The following TENM1 variants were observed in gnomAD, a reference collection of about 807,000 sequenced individuals.
The protein encoded by TENM1 is teneurin transmembrane protein 1, also known as teneurin-1.
Under a neutral mutation model 174.8 loss-of-function variants are expected in TENM1, and 35 were observed. That is an observed-to-expected ratio of 0.20 (90% CI 0.15 to 0.27). The LOEUF (loss-of-function observed/expected upper bound fraction) is 0.27. Among genes scored for constraint, TENM1 ranks in the 10% least tolerant of loss-of-function variants. The pLI is 1.00. For synonymous variants in TENM1, 781 were observed against 798.7 expected (o/e 0.98, Z 0.37); for missense variants, 1,633 against 2,130.1 (o/e 0.77, Z 4.59).
rs1053202120 is a variant in TENM1 at position 124,852,159 on chromosome X, G to T, written c.535+42137C>A. 7.2e-5 allele frequency among the ~76,000 whole-genome samples: 8 copies of T among 111,301 alleles called. No homozygotes were observed. In the South Asian group the frequency reaches 3.0e-3, roughly 41 times the overall value. ...CTGTAGAGTTTTAAGATGTTGGAAA[G>T]GTAGGTTGAAGCTAGGCTTTATGGA... On this transcript the variant is annotated intron_variant, in intron 3 of 31. Coordinates refer to ENST00000422452, the Ensembl canonical transcript of TENM1.
chrX:125,132,240 C>T, the TENM1 span, among the ~76,000 whole-genome samples: 45 of 111,407 alleles, frequency 4.0e-4, no homozygotes, highest in African/African-American at 1.4e-3. Flanking sequence ...CTATTCTCCA[C>T]AATCTAGTAA....
At chrX:124,993,529 T>C in the TENM1 span, among the ~76,000 whole-genome samples, 6 of 110,332 alleles carry the variant, frequency 5.4e-5, no homozygotes, top group East Asian at 1.7e-3. Flanking sequence ...AGAAGTACAT[T>C]ATAAGATGCT....
exon 25 of TENM1, chrX:124,420,328 T>A (rs768280645): frequency 4.2e-6 from 5 of 1,201,254 alleles, no homozygotes; most frequent in Non-Finnish European, 5.6e-6. Context: ...CGGTTGTCCA[T>A]CCATTTTCGT....
intron 22 of TENM1, among the ~76,000 whole-genome samples, chrX:124,471,968 G>C (rs1278921406): frequency 9.3e-6 from 1 of 107,152 alleles, no homozygotes; most frequent in Non-Finnish European, 1.9e-5. Context: ...GGTATAGAGA[G>C]TAAGGGGAAG....
chrX:124,508,692 T>C (rs1169750483), intron 18 of TENM1, among the ~76,000 whole-genome samples: 4 of 111,789 alleles, frequency 3.6e-5, no homozygotes, highest in Admixed American at 9.5e-5. Flanking sequence ...CCTGATATTA[T>C]GAGATTTTTT....
the TENM1 span, among the ~76,000 whole-genome samples, chrX:125,059,908 T>C: frequency 6.4e-5 from 7 of 110,150 alleles, no homozygotes; most frequent in Admixed American, 1.9e-4. Flanking sequence ...TTAGATATGA[T>C]TAACATTTAA....
chrX:125,003,554 G>T, the TENM1 span, among the ~76,000 whole-genome samples: 2 of 111,450 alleles, frequency 1.8e-5, no homozygotes, highest in African/African-American at 6.5e-5. Flanking sequence ...CTAACATAAA[G>T]CCTCAAGGGG....
chrX:124,672,576 C>T (rs888515996), intron 5 of TENM1, among the ~76,000 whole-genome samples: 1 of 111,495 alleles, frequency 9.0e-6, no homozygotes, highest in Non-Finnish European at 1.9e-5. Flanking sequence ...ACCCTTTGAG[C>T]TAACAATTTA....
chrX:124,482,047 A>T, intron 21 of TENM1, 83 bp from the exon 25 acceptor site: 1 of 563,204 alleles, frequency 1.8e-6, no homozygotes, highest in Non-Finnish European at 2.9e-6. Flanking sequence ...CAAATGGAAA[A>T]ATCTTTTGAT....
At chrX:125,044,227 A>G in the TENM1 span, among the ~76,000 whole-genome samples, 1 of 104,458 alleles carries the variant, frequency 9.6e-6, no homozygotes, top group Admixed American at 1.0e-4. Context: ...AAAAAATAAA[A>G]AAAAAAGAAT....
rs751309963 is a variant in TENM1, at chrX:124,407,153, A to C, written c.4983-664T>G. Among the ~76,000 whole-genome samples the C allele has an allele frequency of 8.2e-5, 9 of 109,953 alleles. No homozygotes were observed. The South Asian group carries it at 3.6e-3, about 44-fold the overall frequency. On this transcript the variant is annotated intron_variant, in intron 25 of 31. Transcript: ENST00000422452. ...TGTCTATATGAGTAAGAGACAAAAAATAATTACCTGGGATAATAGGCTATA... is the reference window on the plus strand; with the variant it reads ...TGTCTATATGAGTAAGAGACAAAAACTAATTACCTGGGATAATAGGCTATA...
the TENM1 span, among the ~76,000 whole-genome samples, chrX:125,141,382 A>C: frequency 8.9e-6 from 1 of 112,007 alleles, no homozygotes; most frequent in Admixed American, 9.5e-5. Flanking sequence ...AGCAGACATA[A>C]GAAAAACTAT....
chrX:124,384,102 A>G, exon 30 of TENM1: 1 of 1,212,170 alleles, frequency 8.2e-7, no homozygotes, highest in Non-Finnish European at 1.1e-6. Flanking sequence ...TCTGCATAAA[A>G]GAACTGAAGG....
intron 6 of TENM1, among the ~76,000 whole-genome samples, chrX:124,669,810 T>C (rs1283214092): frequency 1.8e-5 from 2 of 112,375 alleles, no homozygotes; most frequent in African/African-American, 6.5e-5. Flanking sequence ...TTTATGAGAC[T>C]TGTCACAACA....
intron 3 of TENM1, among the ~76,000 whole-genome samples, chrX:124,886,538 T>TAGAGAG (rs1471672479): frequency 2.2e-5 from 2 of 91,218 alleles, no homozygotes; most frequent in African/African-American, 4.2e-5. Flanking sequence ...TATATATATA[T>TAGAGAG]ATATATATAT....
intron 5 of TENM1, chrX:124,688,554 G>C: frequency 7.2e-6 from 1 of 138,554 alleles, no homozygotes; most frequent in Admixed American, 6.5e-5. Flanking sequence ...GGTCTAAATA[G>C]TGGTAGGGGT....
At chrX:124,452,038 A>C (rs374177314) in intron 23 of TENM1, among the ~76,000 whole-genome samples, 45 of 107,656 alleles carry the variant, frequency 4.2e-4, no homozygotes, top group African/African-American at 1.5e-3. Flanking sequence ...TAATTAAACT[A>C]AAGAGCTTCT....
intron 3 of TENM1, among the ~76,000 whole-genome samples, chrX:124,892,276 T>C (rs945881443): frequency 8.9e-5 from 10 of 111,772 alleles, no homozygotes; most frequent in Non-Finnish European, 1.7e-4. Context: ...GATACCCCTG[T>C]GAAAGGCTCC....
At chrX:125,096,169 C>T in the TENM1 span, among the ~76,000 whole-genome samples, 1 of 111,561 alleles carries the variant, frequency 9.0e-6, no homozygotes, top group Non-Finnish European at 1.9e-5. Context: ...ATGACTTAGC[C>T]TGGATCCAAA....
Sources: gnomAD v4.1 joint callset for allele counts (sites outside exome capture counted in the v4.1 genomes callset) on GRCh38, gnomAD v4.1.1 for gene constraint, MANE v1.5 for transcripts, NCBI Gene and HGNC (gene_info 2026-07-23, HGNC 2026-07-21) for gene names.